GRIK4: variants seen among roughly 807,000 people sequenced by gnomAD.
GRIK4 encodes the protein glutamate ionotropic receptor kainate type subunit 4, also known as glutamate receptor ionotropic, kainate 4.
Under a neutral mutation model 104.9 loss-of-function variants are expected in GRIK4, and 40 were observed. The ratio of observed to expected loss-of-function variants is 0.38; its 90% confidence interval spans 0.30 to 0.50. The LOEUF (loss-of-function observed/expected upper bound fraction) is 0.50, where lower values mean the gene tolerates loss of function less well. Ranked by LOEUF, GRIK4 falls within the 20% of genes least tolerant of loss-of-function variation. The pLI is 0.93. For missense variants in GRIK4, 1,047 were observed against 1,308.1 expected (o/e 0.80, Z 3.08); for synonymous variants, 485 against 524.9 (o/e 0.92, Z 1.04).
At chr11:120,892,872 T>C (rs970136360) in intron 11 of GRIK4, among the ~76,000 whole-genome samples, 1 of 152,178 alleles carries the variant, frequency 6.6e-6, no homozygotes, top group Admixed American at 6.5e-5. Context: ...TCAAGCTTGG[T>C]CCCTGGCTGC....
At chr11:120,934,780 C>T (rs767829264) in intron 13 of GRIK4, among the ~76,000 whole-genome samples, 1 of 152,152 alleles carries the variant, frequency 6.6e-6, no homozygotes, top group African/African-American at 2.4e-5. Context: ...CCTGTGGGGG[C>T]GCACATCCGC....
In GRIK4 at chr11:120,986,553, C is replaced by CA; in HGVS notation, c.*295dup. The CA allele has an allele frequency of 2.6e-6, 1 of 390,230 alleles. No individual in the cohort carries two copies. The highest frequency in any genetic ancestry group is 4.5e-6 in the Non-Finnish European group (1 of 220,796). The allele number at this position is 390,230 out of a possible 1,614,324, so 24.2% of individuals were successfully genotyped here. A position where few individuals can be genotyped will look rare whatever the true frequency, so the allele number is the denominator to read the frequency against. On this transcript the variant is annotated 3_prime_UTR_variant, in exon 21 of 21. Transcript: ENST00000527524. ...GGGTCTTTCCCTCTCGCCAAAATAACAAGAGTATAGGGTGGGGGGTCCCTA... is the reference window on the plus strand; with the variant it reads ...GGGTCTTTCCCTCTCGCCAAAATAACAAAGAGTATAGGGTGGGGGGTCCCTA...
intron 7 of GRIK4, 118 bp downstream of exon 7, chr11:120,832,148 A>C: frequency 1.6e-6 from 1 of 612,128 alleles, no homozygotes; most frequent in Non-Finnish European, 2.8e-6. Context: ...AACTCTTACA[A>C]ACCTCTCTCT....
intron 14 of GRIK4, among the ~76,000 whole-genome samples, chr11:120,943,991 T>C (rs948844054): frequency 6.6e-6 from 1 of 152,090 alleles, no homozygotes; most frequent in Non-Finnish European, 1.5e-5. Flanking sequence ...TAACACTGGG[T>C]ATAATCTCTG....
rs187485787 is a variant in GRIK4, at chr11:120,623,339, G to T, written c.-158-30346G>T. 3.3e-5 allele frequency among the ~76,000 whole-genome samples: 5 copies of T among 151,948 alleles called. 1 individual carries two copies. The highest frequency in any genetic ancestry group is 1.2e-4 in the African/African-American group (5 of 41,416). On this transcript the variant is annotated intron_variant, in intron 1 of 20. Transcript: ENST00000527524. ...TAGAGTATGGGGTCTTGTTATGTTT[G>T]CCAGGCTGGTCTTGGCCTCCTGGGC...
chr11:120,640,023 C>T (rs964135746), intron 1 of GRIK4, among the ~76,000 whole-genome samples: 1 of 152,172 alleles, frequency 6.6e-6, no homozygotes, highest in Non-Finnish European at 1.5e-5. Context: ...CATCCTCCTC[C>T]CATCCCTCTG....
rs948654975 is a variant in GRIK4 at position 120,967,687 on chromosome 11, G to A, written c.2395+364G>A. On this transcript the variant is annotated intron_variant, in intron 19 of 20. Transcript: ENST00000527524. The surrounding 1 kb of genome is among the most constrained non-coding windows in gnomAD (Gnocchi z 4.2). ...CTTGCGTCTCTACAGTATATTCTCC[G>A]CTACTAGCCAGAGTGATCCTTTTTA... Among the ~76,000 whole-genome samples, 7 of 152,112 alleles carry A rather than the reference G, an allele frequency of 4.6e-5. No individual in the cohort carries two copies. Among genetic ancestry groups the A allele is most frequent in the East Asian group, 1.9e-4 (1 of 5,188 alleles).
At chr11:120,864,882 C>T (rs755568528) in intron 9 of GRIK4, among the ~76,000 whole-genome samples, 3 of 152,180 alleles carry the variant, frequency 2.0e-5, no homozygotes, top group Non-Finnish European at 4.4e-5. Flanking sequence ...GTCACAGAGC[C>T]TGGAGTCAAA....
chr11:120,829,023 C>T (rs1297304339), intron 6 of GRIK4, among the ~76,000 whole-genome samples: 1 of 152,204 alleles, frequency 6.6e-6, no homozygotes, highest in East Asian at 1.9e-4. Flanking sequence ...CCTGTCTCGT[C>T]CCACTGAATT....
chr11:120,533,394 G>C (rs1162648517), intron 1 of GRIK4, among the ~76,000 whole-genome samples: 2 of 152,204 alleles, frequency 1.3e-5, no homozygotes, highest in East Asian at 1.9e-4. Flanking sequence ...CTGCATACAG[G>C]TACTGCTAGC....
chr11:120,519,673 G>T (rs1388751981), intron 1 of GRIK4, among the ~76,000 whole-genome samples: 1 of 152,164 alleles, frequency 6.6e-6, no homozygotes, highest in Non-Finnish European at 1.5e-5. Context: ...CAGAGTAGAT[G>T]ATTCATTAGC....
intron 3 of GRIK4, among the ~76,000 whole-genome samples, chr11:120,686,133 A>G (rs964649595): frequency 2.0e-5 from 3 of 152,108 alleles, no homozygotes; most frequent in African/African-American, 7.2e-5. Context: ...TATGTGGCAC[A>G]TCGTAAGCGC....
intron 13 of GRIK4, among the ~76,000 whole-genome samples, chr11:120,929,896 C>CA (rs1943444816): frequency 6.6e-6 from 1 of 152,090 alleles, no homozygotes; most frequent in Admixed American, 6.5e-5. Flanking sequence ...GAATCTGGTT[C>CA]TAATGTTCCA....
At chr11:120,807,182 T>G (rs902885485) in intron 4 of GRIK4, among the ~76,000 whole-genome samples, 2 of 152,202 alleles carry the variant, frequency 1.3e-5, no homozygotes, top group Non-Finnish European at 2.9e-5. Context: ...GTGTCTTACC[T>G]GAACCTGAGC....
Position 120,985,999 on chromosome 11 carries a change from G to A in GRIK4, c.2610G>A (p.Pro870=), listed in dbSNP as rs1356869918. Residue 870 remains proline, a synonymous_variant, in exon 21 of 21, where the codon CCG becomes CCA. Transcript: ENST00000527524. ...GCCGGCGGCGCGCCGCAGTCCCGCC[G>A]CCCCGGCCCCCCATCCCCGAGGAGC... ...HPRRRRAAVP[P]PRPPIPEERR... 2.0e-6 allele frequency: 3 copies of A among 1,530,210 alleles called. No individual in the cohort carries two copies. The highest frequency in any genetic ancestry group is 2.6e-6 in the Non-Finnish European group (3 of 1,139,222). 94.8% of individuals were successfully genotyped at this position (1,530,210 alleles called of 1,614,324 possible). A position where few individuals can be genotyped will look rare whatever the true frequency, so the allele number is the denominator to read the frequency against.
chr11:120,983,254 A>AATAATTCTGCCATATTC (rs1396795444), intron 20 of GRIK4, among the ~76,000 whole-genome samples: 1 of 152,144 alleles, frequency 6.6e-6, no homozygotes, highest in African/African-American at 2.4e-5. Flanking sequence ...GCCATATTTC[A>AATAATTCTGCCATATTC]AAATAATAGG....
At chr11:120,590,466 C>A (rs934942242) in intron 1 of GRIK4, among the ~76,000 whole-genome samples, 8 of 152,168 alleles carry the variant, frequency 5.3e-5, no homozygotes, top group Non-Finnish European at 1.2e-4. Flanking sequence ...TGAGTCCTAT[C>A]GATGCCTCCC....
chr11:120,812,947 C>T (rs1952858836), intron 4 of GRIK4, among the ~76,000 whole-genome samples: 1 of 152,128 alleles, frequency 6.6e-6, no homozygotes, highest in Non-Finnish European at 1.5e-5. Context: ...AAAGACTGAC[C>T]AGAGAACTGG....
rs566588628 is a variant in GRIK4 at position 120,623,377 on chromosome 11, C to T, written c.-158-30308C>T. On this transcript the variant is annotated intron_variant, in intron 1 of 20. Transcript: ENST00000527524. ...TGGCCTCCTGGGCTCAAGTGATCCTCCCGCCTTGGACTCCCAAAGTACTGG... is the reference window on the plus strand; with the variant it reads ...TGGCCTCCTGGGCTCAAGTGATCCTTCCGCCTTGGACTCCCAAAGTACTGG... Among the ~76,000 whole-genome samples the T allele has an allele frequency of 2.6e-5, 4 of 152,272 alleles. No individual in the cohort carries two copies. In the South Asian group the frequency reaches 8.3e-4, roughly 32 times the overall value.
Sources: gnomAD v4.1 joint callset for allele counts (sites outside exome capture counted in the v4.1 genomes callset) on GRCh38, gnomAD v4.1.1 for gene constraint, Gnocchi (gnomAD v3.1) non-coding constraint, MANE v1.5 for transcripts, NCBI Gene and HGNC (gene_info 2026-07-23, HGNC 2026-07-21) for gene names.